TMEM100: variants seen among roughly 807,000 people sequenced by gnomAD.
The protein encoded by TMEM100 is transmembrane protein 100.
For synonymous variants in TMEM100, 61 were observed against 67.1 expected, an observed-to-expected ratio of 0.91 and a Z score of 0.44; for missense variants, 137 against 168.2, an observed-to-expected ratio of 0.81 and a Z score of 1.02.
Position 55,720,805 on chromosome 17 carries a change from C to T in TMEM100, c.266G>A (p.Gly89Asp). 1.2e-6 allele frequency: 2 copies of T among 1,614,206 alleles called. No homozygotes were observed. The highest frequency in any genetic ancestry group is 1.7e-6 in the Non-Finnish European group (2 of 1,180,038). The part of the protein sequence containing the change: ...NSHGSIISIF[G>D]LVVLSSGLFL... ...AAGTCCAGATGACAGAACAACCAGG[C>T]CAAAGATGGAGATAATAGACCCATG... Residue 89 changes from glycine to aspartate, a missense_variant, in exon 2 of 2, where the codon GGC becomes GAC. Physicochemically the swap from Gly to Asp is moderately conservative, Grantham distance 94. Coordinates refer to ENST00000424486, the MANE Select transcript of TMEM100 (RefSeq NM_018286.3).
chr17:55,721,230 G>C (rs1395411110), intron 1 of TMEM100, 95 bp from the exon 2 acceptor site: 1 of 804,904 alleles, frequency 1.2e-6, no homozygotes, highest in Non-Finnish European at 1.9e-6. Context: ...TTTCTAGGAG[G>C]CACAGATCCA....
At chr17:55,729,869 G>A (rs1597957972) in intron 1 of TMEM100, among the ~76,000 whole-genome samples, 1 of 152,048 alleles carries the variant, frequency 6.6e-6, no homozygotes, top group Non-Finnish European at 1.5e-5. Flanking sequence ...TTTAAAATAA[G>A]CACTACATAG....
At chr17:55,726,656 C>T (rs1437780493), upstream of TMEM100, among the ~76,000 whole-genome samples, 5 of 152,122 alleles carry the variant, frequency 3.3e-5, no homozygotes, top group Non-Finnish European at 7.4e-5. Flanking sequence ...CACCACATGC[C>T]TTTGATCTCA....
rs183661905 is a variant in TMEM100, at chr17:55,729,416, G to A, written c.-358-1434C>T. On this transcript the variant is annotated intron_variant, in intron 1 of 3. Coordinates refer to the TMEM100 transcript ENST00000575734. ...GTTGCTGTGAGCAGAAATAGGTCAG[G>A]ACAAGGAGTAGATGTGGGGCGAGGA... Among the ~76,000 whole-genome samples, 3 of 152,290 alleles carry A rather than the reference G, an allele frequency of 2.0e-5. No individual in the cohort carries two copies. The East Asian group carries it at 5.8e-4, about 29-fold the overall frequency.
chr17:55,725,299 C>A (rs901824144), upstream of TMEM100, among the ~76,000 whole-genome samples: 3 of 152,124 alleles, frequency 2.0e-5, no homozygotes, highest in African/African-American at 7.2e-5. Context: ...TCTGCGAGCC[C>A]TCTATTTTCA....
At chr17:55,723,362 G>C (rs1346177798), upstream of TMEM100, among the ~76,000 whole-genome samples, 1 of 152,116 alleles carries the variant, frequency 6.6e-6, no homozygotes, top group East Asian at 1.9e-4. Context: ...AACCCCACTT[G>C]TTGAGTGTTA....
In TMEM100 at chr17:55,720,504, G is replaced by GTGTAGATCTCGGTGGTCGCCGTA; in HGVS notation, c.*161_*162insTACGGCGACCACCGAGATCTACA. On this transcript the variant is annotated 3_prime_UTR_variant, in exon 2 of 2. Coordinates refer to ENST00000424486, the MANE Select transcript of TMEM100 (RefSeq NM_018286.3). ...AAGTTTGTCGTTAAAGAAGACATGA[G>GTGTAGATCTCGGTGGTCGCCGTA]TCATTCCTCACAAAGGAGAAGCCCC... 1 of 886,412 alleles carries GTGTAGATCTCGGTGGTCGCCGTA rather than the reference G, an allele frequency of 1.1e-6. No homozygotes were observed. Among genetic ancestry groups the GTGTAGATCTCGGTGGTCGCCGTA allele is most frequent in the African/African-American group, 1.7e-5 (1 of 59,722 alleles). The allele number at this position is 886,412 out of a possible 1,614,324, so 54.9% of individuals were successfully genotyped here.
intron 1 of TMEM100, 121 bp from the exon 2 acceptor site, chr17:55,721,256 T>C (rs1908877656): frequency 1.6e-6 from 1 of 634,902 alleles, no homozygotes; most frequent in South Asian, 3.5e-5. Context: ...AAAGCAACTT[T>C]ACTCTTTTTT....
At chr17:55,725,438 T>C (rs375404729), upstream of TMEM100, among the ~76,000 whole-genome samples, 15 of 152,294 alleles carry the variant, frequency 9.8e-5, 2 homozygotes, top group Admixed American at 7.2e-4. Context: ...CCCATAGACA[T>C]TCAACATTTC....
rs1324992908 is a variant in TMEM100, at chr17:55,720,875, T to G, written c.196A>C (p.Ile66Leu). ...CIIPFAVVVF[I>L]AGIVVTAVAY... ...ACCGCGGTGACCACGATGCCGGCGATGAAGACAACCACAGCAAAGGGGATG... is the reference window on the plus strand; with the variant it reads ...ACCGCGGTGACCACGATGCCGGCGAGGAAGACAACCACAGCAAAGGGGATG... Residue 66 changes from isoleucine (I) to leucine (L), a missense_variant, in exon 2 of 2, where the codon ATC becomes CTC. Ile to Leu is a conservative substitution (Grantham distance 5). Transcript: ENST00000424486. The G allele has an allele frequency of 1.4e-5, 22 of 1,614,182 alleles. No individual in the cohort carries two copies. Among genetic ancestry groups the G allele is most frequent in the Non-Finnish European group, 1.8e-5 (21 of 1,180,026 alleles).
In TMEM100 at chr17:55,719,957, GT is replaced by G. The variant is rs551643682; in HGVS notation, c.*708del. The G allele has an allele frequency of 5.2e-5, 8 of 152,690 alleles. No homozygotes were observed. In the South Asian group the frequency reaches 1.2e-3, roughly 24 times the overall value. 9.5% of individuals were successfully genotyped at this position (152,690 alleles called of 1,614,324 possible). A position where few individuals can be genotyped will look rare whatever the true frequency, so the allele number is the denominator to read the frequency against. On this transcript the variant is annotated 3_prime_UTR_variant, in exon 2 of 2. Coordinates refer to ENST00000424486, the MANE Select transcript of TMEM100 (RefSeq NM_018286.3). ...TTTATTATTCTGAATGAAATGTACA[GT>G]TGACTTTTATATAAAAATCATCAAA...
At chr17:55,731,328 C>T (rs1415971079) in intron 1 of TMEM100, among the ~76,000 whole-genome samples, 1 of 152,138 alleles carries the variant, frequency 6.6e-6, no homozygotes, top group Non-Finnish European at 1.5e-5. Context: ...ATCGCTTCCA[C>T]AATAAAATGA....
intron 1 of TMEM100, among the ~76,000 whole-genome samples, chr17:55,729,375 T>C (rs528838516): frequency 4.9e-4 from 75 of 152,256 alleles, no homozygotes; most frequent in African/African-American, 1.7e-3. Flanking sequence ...TTAAACTAAG[T>C]AATTAATAGC....
At position 55,722,643 on chromosome 17, in the gene TMEM100, A is replaced by G. The variant is rs1287535306; in HGVS notation, c.-90T>C. ...CCTCGGAGAGAGGCAATCCATTACC[A>G]GAGTAACCACTTGACTTGGAAGACA... On this transcript the variant is annotated 5_prime_UTR_variant, in exon 1 of 2. Coordinates refer to ENST00000424486, the MANE Select transcript of TMEM100 (RefSeq NM_018286.3). The G allele has an allele frequency of 6.6e-6, 1 of 152,256 alleles. No homozygotes were observed. Among genetic ancestry groups the G allele is most frequent in the Non-Finnish European group, 1.5e-5 (1 of 68,046 alleles). 9.4% of individuals were successfully genotyped at this position (152,256 alleles called of 1,614,324 possible).
At position 55,720,137 on chromosome 17, in the gene TMEM100, A is replaced by C. The variant is rs1007251105; in HGVS notation, c.*529T>G. 2 of 152,706 alleles carry C rather than the reference A, an allele frequency of 1.3e-5. No homozygotes were observed. 9.5% of individuals were successfully genotyped at this position (152,706 alleles called of 1,614,324 possible). ...TAAAAAATATTACTTTTCAAGATAA[A>C]GTACCACCAGTGATGAGTTATTAAA... On this transcript the variant is annotated 3_prime_UTR_variant, in exon 2 of 2. Coordinates refer to ENST00000424486, the MANE Select transcript of TMEM100 (RefSeq NM_018286.3).
chr17:55,724,294 C>G (rs1909004029), upstream of TMEM100, among the ~76,000 whole-genome samples: 1 of 152,146 alleles, frequency 6.6e-6, no homozygotes, highest in Non-Finnish European at 1.5e-5. Context: ...GTTGTTTATT[C>G]TGGAATGAAA....
chr17:55,725,719 G>A (rs1324518886), upstream of TMEM100, among the ~76,000 whole-genome samples: 1 of 119,574 alleles, frequency 8.4e-6, no homozygotes. Flanking sequence ...GTGTGTGTGT[G>A]TGTGTGTGTG....
At chr17:55,729,281 A>G (rs1909144404) in intron 1 of TMEM100, among the ~76,000 whole-genome samples, 1 of 152,190 alleles carries the variant, frequency 6.6e-6, no homozygotes, top group South Asian at 2.1e-4. Flanking sequence ...ACAGGTAGGA[A>G]ATCACTGCAA....
At chr17:55,726,715 G>T (rs577601345), upstream of TMEM100, among the ~76,000 whole-genome samples, 7 of 152,256 alleles carry the variant, frequency 4.6e-5, no homozygotes, top group East Asian at 1.4e-3. Context: ...AAGCTGGCCA[G>T]GTTTTCTCCT....
Sources: gnomAD v4.1 joint callset for allele counts (sites outside exome capture counted in the v4.1 genomes callset) on GRCh38, gnomAD v4.1.1 for gene constraint, MANE v1.5 for transcripts, NCBI Gene and HGNC (gene_info 2026-07-23, HGNC 2026-07-21) for gene names.